GPRC5D: variants seen among roughly 807,000 people sequenced by gnomAD.
The protein encoded by GPRC5D is G protein-coupled receptor class C group 5 member D, also known as G protein-coupled receptor family C group 5 member D.
A neutral mutation model predicts 29.3 loss-of-function variants in GPRC5D; 20 were observed. That is an observed-to-expected ratio of 0.68 (90% CI 0.48 to 0.99). GPRC5D has a LOEUF of 0.99. Ranked by LOEUF, GPRC5D falls within the 50% of genes least tolerant of loss-of-function variation. The pLI is 0.00. For missense variants in GPRC5D, 384 were observed against 423.6 expected, an observed-to-expected ratio of 0.91 and a Z score of 0.82; for synonymous variants, 178 against 171.3, an observed-to-expected ratio of 1.04 and a Z score of -0.30.
rs1190188683 is a variant in GPRC5D at position 12,944,748 on chromosome 12, CCTTCCTTCCTTTCTTCCTTCCTTT to C, written c.896-2444_896-2421del. Among the ~76,000 whole-genome samples, 68 of 46,550 alleles carry C rather than the reference CCTTCCTTCCTTTCTTCCTTCCTTT, an allele frequency of 1.5e-3. 14 individuals carry two copies. The highest frequency in any genetic ancestry group is 2.5e-3 in the African/African-American group (66 of 25,992). The allele number at this position is 46,550 out of a possible 152,430, so 30.5% of individuals were successfully genotyped here. ...CAGTACTGTGACACCTTTCTTCCTT[CCTTCCTTCCTTTCTTCCTTCCTTT>C]CTTCCTTCCTTCCTTCCTTCCTTCC... On this transcript the variant is annotated intron_variant, in intron 1 of 2. Transcript: ENST00000228887.
chr12:12,949,457 C>G (rs200093176), intron 1 of GPRC5D, 33 bp downstream of exon 2: 1 of 1,547,666 alleles, frequency 6.5e-7, no homozygotes, highest in South Asian at 1.2e-5. Context: ...TGTAGGAGCA[C>G]CTCCCTGCTC....
At position 12,942,142 on chromosome 12, in the gene GPRC5D, T is replaced by G; in HGVS notation, c.963+119A>C. The G allele has an allele frequency of 5.3e-6, 4 of 748,430 alleles. No homozygotes were observed. In the Admixed American group the frequency reaches 6.2e-5, roughly 12 times the overall value. 46.4% of individuals were successfully genotyped at this position (748,430 alleles called of 1,614,324 possible). A position where few individuals can be genotyped will look rare whatever the true frequency, so the allele number is the denominator to read the frequency against. On this transcript the variant is annotated intron_variant, in intron 2 of 2. Coordinates refer to ENST00000228887, the Ensembl canonical transcript of GPRC5D. ...AAGCTCCACATGCCTTTAGGGATGC[T>G]CCTGCTCTGTCTCTCCTCTCTCAGG...
At chr12:12,945,827 T>C (rs533679556) in intron 1 of GPRC5D, among the ~76,000 whole-genome samples, 13 of 152,228 alleles carry the variant, frequency 8.5e-5, no homozygotes, top group Non-Finnish European at 1.9e-4. Context: ...TGTGAGAGGA[T>C]GTATCTATAT....
intron 1 of GPRC5D, among the ~76,000 whole-genome samples, chr12:12,945,762 T>C (rs144268025): frequency 7.9e-4 from 121 of 152,362 alleles, no homozygotes; most frequent in African/African-American, 2.8e-3. Flanking sequence ...AATCTTTTTG[T>C]TGAAGTTTCC....
chr12:12,951,091 C>T (rs1264937581), upstream of GPRC5D, among the ~76,000 whole-genome samples: 1 of 152,184 alleles, frequency 6.6e-6, no homozygotes, highest in Non-Finnish European at 1.5e-5. Context: ...GCCTGGGCGA[C>T]AGAGTGAGAC....
chr12:12,945,074 A>G (rs989520638), intron 1 of GPRC5D, among the ~76,000 whole-genome samples: 4 of 149,356 alleles, frequency 2.7e-5, no homozygotes, highest in Admixed American at 2.0e-4. Flanking sequence ...CATGATCTCA[A>G]CTCACTGCAA....
At chr12:12,944,973 C>T (rs1484945800) in intron 1 of GPRC5D, among the ~76,000 whole-genome samples, 2 of 141,006 alleles carry the variant, frequency 1.4e-5, no homozygotes, top group African/African-American at 2.6e-5. Context: ...CTTTCCTTTT[C>T]TTTTTCTCTC....
chr12:12,942,863 C>T (rs1393926721), intron 1 of GPRC5D, among the ~76,000 whole-genome samples: 1 of 152,204 alleles, frequency 6.6e-6, no homozygotes, highest in Non-Finnish European at 1.5e-5. Context: ...AGCGCATTGG[C>T]GTTGGGAGAC....
chr12:12,940,822 T>C (rs149187423), exon 3 of GPRC5D: 94 of 1,606,242 alleles, frequency 5.9e-5, no homozygotes, highest in Non-Finnish European at 7.5e-5. Flanking sequence ...GCCTGTGGGA[T>C]GAAACACTCT....
intron 1 of GPRC5D, among the ~76,000 whole-genome samples, chr12:12,944,850 C>T (rs1217314808): frequency 0.73 from 24,929 of 34,350 alleles, 10,669 homozygotes; most frequent in Non-Finnish European, 0.87. Context: ...TCCTTCCTTC[C>T]TTCTTTCTTT....
At chr12:12,949,425 A>G in intron 1 of GPRC5D, 65 bp downstream of exon 2, 1 of 1,397,206 alleles carries the variant, frequency 7.2e-7, no homozygotes, top group Non-Finnish European at 9.8e-7. Context: ...ATCCTACTGC[A>G]TGATTTTTCT....
upstream of GPRC5D, among the ~76,000 whole-genome samples, chr12:12,950,642 A>T (rs2136506773): frequency 3.3e-5 from 5 of 152,194 alleles, 1 homozygote; most frequent in South Asian, 1.0e-3. Flanking sequence ...CCCCATCTCT[A>T]CTAAAAATAC....
rs57581481 is a variant in GPRC5D at position 12,944,850 on chromosome 12, C to CTTCTTTCTTTCT, written c.896-2534_896-2523dup. 4.4e-3 allele frequency among the ~76,000 whole-genome samples: 153 copies of CTTCTTTCTTTCT among 34,466 alleles called. 17 individuals carry two copies. The highest frequency in any genetic ancestry group is 5.6e-3 in the Non-Finnish European group (97 of 17,340). 22.6% of individuals were successfully genotyped at this position (34,466 alleles called of 152,430 possible). A position where few individuals can be genotyped will look rare whatever the true frequency, so the allele number is the denominator to read the frequency against. ...CCTTCCTTCCTTCCTTCCTTCCTTC[C>CTTCTTTCTTTCT]TTCTTTCTTTCTTTCTTTCTTTCTT... On this transcript the variant is annotated intron_variant, in intron 1 of 2. Coordinates refer to ENST00000228887, the Ensembl canonical transcript of GPRC5D.
intron 1 of GPRC5D, among the ~76,000 whole-genome samples, chr12:12,946,345 CT>C (rs1555109930): frequency 6.8e-6 from 1 of 147,684 alleles, no homozygotes; most frequent in Admixed American, 6.8e-5. Flanking sequence ...TTCTTTCTTT[CT>C]TTCTTTCTTT....
exon 1 of GPRC5D, chr12:12,949,891 T>C: frequency 6.2e-7 from 1 of 1,614,162 alleles, no homozygotes; most frequent in Non-Finnish European, 8.5e-7. Flanking sequence ...CACATTGAGC[T>C]GGCAGGGTGT....
chr12:12,949,599 G>C, exon 1 of GPRC5D: 1 of 1,614,194 alleles, frequency 6.2e-7, no homozygotes, highest in Non-Finnish European at 8.5e-7. Context: ...AGAGAATGCA[G>C]AGCTCAGGGA....
At chr12:12,944,623 G>A (rs1405092352) in intron 1 of GPRC5D, 2 of 151,888 alleles carry the variant, frequency 1.3e-5, no homozygotes, top group Non-Finnish European at 2.9e-5. Context: ...TCGTTGATCC[G>A]TTTTTACATT....
At chr12:12,950,156 C>G (rs138218691) in exon 1 of GPRC5D, 10 of 1,613,914 alleles carry the variant, frequency 6.2e-6, no homozygotes, top group Non-Finnish European at 7.6e-6. Context: ...AAGGCAAAAG[C>G]GAGTCCGAAG....
rs1345476086 is a variant in GPRC5D, at chr12:12,950,160, T to A, written c.225A>T (p.Gly75=). 3 of 1,613,664 alleles carry A rather than the reference T, an allele frequency of 1.9e-6. No individual in the cohort carries two copies. The South Asian group carries it at 3.3e-5, about 18-fold the overall frequency. The stretch of plus-strand genomic sequence containing the variant: ...GCTCGATGATGAAGGCAAAAGCGAG[T>A]CCGAAGAGCCCCAGGACACTCAGGA... Residue 75 remains glycine (G), a synonymous_variant, in exon 1 of 3, where the codon GGA becomes GGT. Coordinates refer to ENST00000228887, the Ensembl canonical transcript of GPRC5D.
Sources: allele counts gnomAD v4.1 joint callset (sites outside exome capture counted in the v4.1 genomes callset), GRCh38; gene constraint gnomAD v4.1.1; transcripts MANE v1.5; gene names NCBI Gene and HGNC (gene_info 2026-07-23, HGNC 2026-07-21).